GRPEL1: variants seen among roughly 807,000 people sequenced by gnomAD.
GRPEL1 encodes the protein GrpE like 1, mitochondrial, also known as grpE protein homolog 1, mitochondrial.
A neutral mutation model predicts 22.1 loss-of-function variants in GRPEL1; 13 were observed. That is an observed-to-expected ratio of 0.59 (90% confidence interval 0.38 to 0.94). The LOEUF (loss-of-function observed/expected upper bound fraction) is 0.94, where lower values mean the gene tolerates loss of function less well. Among genes scored for constraint, GRPEL1 ranks in the 40% least tolerant of loss-of-function variants. The pLI is 0.00. For missense variants in GRPEL1, 289 were observed against 264.6 expected (o/e 1.09, Z -0.64); for synonymous variants, 109 against 105.3 (o/e 1.03, Z -0.21).
At chr4:7,066,588 G>A (rs992453188) in intron 1 of GRPEL1, among the ~76,000 whole-genome samples, 1 of 152,194 alleles carries the variant, frequency 6.6e-6, no homozygotes, top group African/African-American at 2.4e-5. Context: ...AAAAAGCTAA[G>A]AATTTAAATA....
intron 1 of GRPEL1, 102 bp from the exon 2 acceptor site, chr4:7,064,325 T>G (rs2359011): frequency 0.77 from 906,833 of 1,181,592 alleles, 351,612 homozygotes; most frequent in South Asian, 0.82. Flanking sequence ...AACTATTTAC[T>G]ATTACTTGGG....
intron 1 of GRPEL1, among the ~76,000 whole-genome samples, chr4:7,065,022 A>C (rs1200124184): frequency 6.6e-6 from 1 of 152,184 alleles, no homozygotes. Flanking sequence ...AAGTTACAGT[A>C]CTTGGTACAG....
chr4:7,062,787 C>A (rs754400172), intron 2 of GRPEL1, among the ~76,000 whole-genome samples: 1 of 152,078 alleles, frequency 6.6e-6, no homozygotes, highest in African/African-American at 2.4e-5. Context: ...GCTGGGATTA[C>A]AGGTGTGGGC....
chr4:7,063,704 C>T (rs1364050002), intron 2 of GRPEL1, among the ~76,000 whole-genome samples: 3 of 152,230 alleles, frequency 2.0e-5, no homozygotes, highest in Non-Finnish European at 4.4e-5. Flanking sequence ...GAGAGCATCA[C>T]ATAAAACCAC....
In GRPEL1 at chr4:7,059,429, T is replaced by C. The variant is rs1260296237; in HGVS notation, c.*1433A>G. The C allele has an allele frequency of 6.6e-6, 1 of 152,208 alleles. No individual in the cohort carries two copies. The highest frequency in any genetic ancestry group is 1.5e-5 in the Non-Finnish European group (1 of 68,048). 9.4% of individuals were successfully genotyped at this position (152,208 alleles called of 1,614,324 possible). A position where few individuals can be genotyped will look rare whatever the true frequency, so the allele number is the denominator to read the frequency against. On this transcript the variant is annotated 3_prime_UTR_variant, in exon 4 of 4. Coordinates refer to ENST00000264954, the MANE Select transcript of GRPEL1 (RefSeq NM_025196.4). ...TTTAACTCGGGAGCTCCAGGGGTGA[T>C]GATGCACTCACAACCCCACAGCGTG...
At chr4:7,065,684 G>A (rs1368468806) in intron 1 of GRPEL1, among the ~76,000 whole-genome samples, 2 of 152,100 alleles carry the variant, frequency 1.3e-5, no homozygotes, top group Non-Finnish European at 2.9e-5. Flanking sequence ...TGGGATAGAT[G>A]CAGCTTCAGG....
At chr4:7,065,741 A>C (rs1353302217) in intron 1 of GRPEL1, among the ~76,000 whole-genome samples, 3 of 152,132 alleles carry the variant, frequency 2.0e-5, no homozygotes, top group Non-Finnish European at 1.5e-5. Flanking sequence ...AAAGCATGGG[A>C]TATGTACCGG....
chr4:7,062,511 TATATC>T lies in GRPEL1; in HGVS notation c.226-50_226-46del, dbSNP rs200308171. On this transcript the variant is annotated intron_variant, in intron 2 of 3. Coordinates refer to ENST00000264954, the MANE Select transcript of GRPEL1 (RefSeq NM_025196.4). ...ATATTTATATATATATATATATATA[TATATC>T]TTTTTTTTTGAGACGGAATCTTGCT... The T allele has an allele frequency of 2.8e-3, 1,059 of 377,122 alleles. 8 individuals are homozygous for T. In the East Asian group the frequency reaches 0.031, roughly 11 times the overall value. The allele number at this position is 377,122 out of a possible 1,614,324, so 23.4% of individuals were successfully genotyped here.
At chr4:7,064,382 A>G (rs766438689) in intron 1 of GRPEL1, 159 bp from the exon 2 acceptor site, 7 of 606,132 alleles carry the variant, frequency 1.2e-5, no homozygotes, top group Non-Finnish European at 1.9e-5. Context: ...TGTACGTGAC[A>G]TATAGAAGCT....
At position 7,060,101 on chromosome 4, in the gene GRPEL1, A is replaced by C. The variant is rs1724002293; in HGVS notation, c.*761T>G. The C allele has an allele frequency of 6.6e-6, 1 of 152,262 alleles. No homozygotes were observed. The highest frequency in any genetic ancestry group is 2.4e-5 in the African/African-American group (1 of 41,472). The allele number at this position is 152,262 out of a possible 1,614,324, so 9.4% of individuals were successfully genotyped here. A position where few individuals can be genotyped will look rare whatever the true frequency, so the allele number is the denominator to read the frequency against. ...TTAATCCTCTTAAATAAAAATTTTA[A>C]ATTAAACATTAACATTTAAAGTACA... On this transcript the variant is annotated 3_prime_UTR_variant, in exon 4 of 4. Transcript: ENST00000264954.
At chr4:7,063,733 T>C (rs1224122781) in intron 2 of GRPEL1, among the ~76,000 whole-genome samples, 2 of 152,242 alleles carry the variant, frequency 1.3e-5, no homozygotes, top group African/African-American at 2.4e-5. Context: ...TCCCAACTCT[T>C]GTACTTGCAA....
intron 1 of GRPEL1, among the ~76,000 whole-genome samples, chr4:7,066,788 T>G (rs1006484738): frequency 2.6e-5 from 4 of 152,200 alleles, no homozygotes; most frequent in African/African-American, 9.7e-5. Flanking sequence ...AGAGGGAAAC[T>G]GAGTCTCAGA....
Position 7,060,662 on chromosome 4 carries a change from T to C in GRPEL1, c.*200A>G, listed in dbSNP as rs749447794. 1.5e-5 allele frequency: 9 copies of C among 600,860 alleles called. No homozygotes were observed. The highest frequency in any genetic ancestry group is 2.6e-5 in the Non-Finnish European group (9 of 340,018). 37.2% of individuals were successfully genotyped at this position (600,860 alleles called of 1,614,324 possible). On this transcript the variant is annotated 3_prime_UTR_variant, in exon 4 of 4. Coordinates refer to ENST00000264954, the MANE Select transcript of GRPEL1 (RefSeq NM_025196.4). ...AAAGTATGTGGAACTATTCAACGCG[T>C]GGCACTAAAAGGGAACAGACTCCCG...
In GRPEL1 at chr4:7,060,883, C is replaced by A; in HGVS notation, c.633G>T (p.Val211=). Residue 211 remains valine, a synonymous_variant, in exon 4 of 4, where the codon GTG becomes GTT. Coordinates refer to ENST00000264954, the MANE Select transcript of GRPEL1 (RefSeq NM_025196.4). The stretch of plus-strand genomic sequence containing the variant: ...GCAGCTAAGCTTCCTTCACCACCCC[C>A]ACCAGGGCGGGTCTCAGAGTGCGCC... The part of the protein sequence containing the change: ...LHGRTLRPAL[V]GVVKEA 5.0e-6 allele frequency: 8 copies of A among 1,613,120 alleles called. No individual in the cohort carries two copies. Among genetic ancestry groups the A allele is most frequent in the Non-Finnish European group, 4.2e-6 (5 of 1,179,334 alleles).
chr4:7,062,456 TTA>T lies in GRPEL1; in HGVS notation c.234_235del (p.Tyr78Ter), dbSNP rs1276745944. ...GTTCTCAGTGTCTGCCAAAGCTCGT[TTA>T]TATTTTTCCTAAAAGAGAAAAAAAG... On this transcript the variant is annotated stop_gained and frameshift_variant, in exon 3 of 4. Coordinates refer to ENST00000264954, the MANE Select transcript of GRPEL1 (RefSeq NM_025196.4). LOFTEE classifies it high-confidence loss of function. The T allele has an allele frequency of 1.9e-6, 3 of 1,548,502 alleles. No individual in the cohort carries two copies. The Admixed American group carries it at 5.3e-5, about 27-fold the overall frequency.
chr4:7,067,675 G>C (rs904647938), intron 1 of GRPEL1: 2 of 493,824 alleles, frequency 4.1e-6, no homozygotes, highest in Non-Finnish European at 7.1e-6. Context: ...GCAGGCCCTG[G>C]ACCACACGCG....
intron 1 of GRPEL1, among the ~76,000 whole-genome samples, 163 bp downstream of exon 1, chr4:7,067,808 G>A (rs1724211746): frequency 6.6e-6 from 1 of 152,214 alleles, no homozygotes; most frequent in Non-Finnish European, 1.5e-5. Context: ...AGCAGAGCAG[G>A]CCCCAGCGGG....
intron 1 of GRPEL1, chr4:7,067,592 C>T: frequency 3.3e-6 from 1 of 299,358 alleles, no homozygotes; most frequent in Non-Finnish European, 6.2e-6. Context: ...TTGGTCGCTT[C>T]TTCAACCGCA....
chr4:7,060,708 G>A lies in GRPEL1; in HGVS notation c.*154C>T, dbSNP rs1294511318. On this transcript the variant is annotated 3_prime_UTR_variant, in exon 4 of 4. Coordinates refer to ENST00000264954, the MANE Select transcript of GRPEL1 (RefSeq NM_025196.4). ...TCCCGAATTAGAGTTCATTAATGCA[G>A]TTGGGCAACCGGCTTTTCTGTTTAG... 5 of 705,166 alleles carry A rather than the reference G, an allele frequency of 7.1e-6. No homozygotes were observed. Among genetic ancestry groups the A allele is most frequent in the African/African-American group, 1.8e-5 (1 of 56,390 alleles). 43.7% of individuals were successfully genotyped at this position (705,166 alleles called of 1,614,324 possible). A position where few individuals can be genotyped will look rare whatever the true frequency, so the allele number is the denominator to read the frequency against.
Sources: allele counts gnomAD v4.1 joint callset (sites outside exome capture counted in the v4.1 genomes callset), GRCh38; gene constraint gnomAD v4.1.1; transcripts MANE v1.5; gene names NCBI Gene and HGNC (gene_info 2026-07-23, HGNC 2026-07-21).